CPNE4: variants seen among roughly 807,000 people sequenced by gnomAD.
CPNE4 encodes copine-4.
In CPNE4, 25 loss-of-function variants were observed where a neutral mutation model predicts 67.9. That is an observed-to-expected ratio of 0.37 (90% CI 0.27 to 0.51). CPNE4 has a LOEUF of 0.51. Ranked by LOEUF, CPNE4 falls within the 20% of genes least tolerant of loss-of-function variation. The probability of loss-of-function intolerance (pLI) is 0.93; values close to 1 mark genes in which losing one functional copy is unlikely to be tolerated. For synonymous variants in CPNE4, 242 were observed against 244.9 expected (o/e 0.99, Z 0.11); for missense variants, 464 against 690.8 (o/e 0.67, Z 3.68).
rs1301465905 is a variant in CPNE4 at position 131,808,719 on chromosome 3, CCTAT to C, written c.181-85098_181-85095del. On this transcript the variant is annotated intron_variant, in intron 2 of 15. Transcript: ENST00000429747. ...AGTAAAGAAACATTCTGTGAGAAAA[CCTAT>C]CTAATAAACTCAGTATTGAGGTTCT... is the stretch of plus-strand genomic sequence containing the variant. 3.9e-5 allele frequency among the ~76,000 whole-genome samples: 6 copies of C among 152,174 alleles called. No homozygotes were observed. In the East Asian group the frequency reaches 7.7e-4, roughly 20 times the overall value.
upstream of CPNE4, among the ~76,000 whole-genome samples, chr3:132,035,849 G>T (rs1041107593): frequency 1.3e-5 from 2 of 152,174 alleles, no homozygotes; most frequent in Admixed American, 6.5e-5. Flanking sequence ...TTCTGACATT[G>T]GGATGGTATA....
intron 1 of CPNE4, among the ~76,000 whole-genome samples, chr3:132,022,869 T>C (rs1193430505): frequency 1.3e-5 from 2 of 152,226 alleles, no homozygotes; most frequent in Non-Finnish European, 1.5e-5. Flanking sequence ...GTAACCTTAC[T>C]GCAGCAGCCC....
chr3:131,553,187 T>C (rs1936277632), intron 12 of CPNE4, among the ~76,000 whole-genome samples: 1 of 152,106 alleles, frequency 6.6e-6, no homozygotes, highest in Non-Finnish European at 1.5e-5. Flanking sequence ...ATCTGGACAT[T>C]TTTATTGAAT....
chr3:131,872,273 G>C (rs2087248520), intron 2 of CPNE4, among the ~76,000 whole-genome samples: 1 of 152,090 alleles, frequency 6.6e-6, no homozygotes, highest in Non-Finnish European at 1.5e-5. Flanking sequence ...CATGATTATG[G>C]AGACTGGCAG....
At chr3:131,782,408 C>T (rs1401144044) in intron 2 of CPNE4, among the ~76,000 whole-genome samples, 4 of 152,054 alleles carry the variant, frequency 2.6e-5, no homozygotes, top group African/African-American at 9.7e-5. Context: ...TACCTTTGCA[C>T]ATGTGATGCA....
At chr3:131,798,732 A>C (rs2083990211) in intron 2 of CPNE4, among the ~76,000 whole-genome samples, 1 of 152,142 alleles carries the variant, frequency 6.6e-6, no homozygotes, top group Non-Finnish European at 1.5e-5. Flanking sequence ...GCAAGGAATG[A>C]CTTCTTCTTC....
At chr3:131,587,709 T>C in intron 7 of CPNE4, 127 bp from the exon 8 acceptor site, 1 of 679,220 alleles carries the variant, frequency 1.5e-6, no homozygotes, top group Non-Finnish European at 2.5e-6. Context: ...CCTGGGAGTC[T>C]AAGATTGGAG....
chr3:131,571,785 T>C (rs1313018281), intron 10 of CPNE4, among the ~76,000 whole-genome samples: 1 of 151,916 alleles, frequency 6.6e-6, no homozygotes, highest in African/African-American at 2.4e-5. Flanking sequence ...CTCGTCAATA[T>C]CCTTTGGAAC....
intron 1 of CPNE4, among the ~76,000 whole-genome samples, chr3:131,971,564 C>T (rs548116839): frequency 6.6e-6 from 1 of 152,070 alleles, no homozygotes; most frequent in East Asian, 1.9e-4. Context: ...CCTTTTTGCC[C>T]CAGAGGGTTA....
chr3:131,564,501 G>T, intron 10 of CPNE4, 152 bp from the exon 11 acceptor site: 1 of 738,084 alleles, frequency 1.4e-6, no homozygotes, highest in Non-Finnish European at 2.1e-6. Flanking sequence ...TAATTTGCTT[G>T]AAAAACTAGT....
intron 1 of CPNE4, among the ~76,000 whole-genome samples, chr3:131,907,362 CCTCT>C (rs2088811748): frequency 6.6e-6 from 1 of 151,488 alleles, no homozygotes. Context: ...GGGAATAATT[CCTCT>C]CTCTCTCCTT....
rs2087036652 is a variant in CPNE4 at position 131,868,129 on chromosome 3, G to A, written c.180+37135C>T. Among the ~76,000 whole-genome samples, 3 of 152,144 alleles carry A rather than the reference G, an allele frequency of 2.0e-5. No individual in the cohort carries two copies. In the South Asian group the frequency reaches 6.2e-4, roughly 32 times the overall value. On this transcript the variant is annotated intron_variant, in intron 2 of 15. Coordinates refer to ENST00000429747, the MANE Select transcript of CPNE4 (RefSeq NM_130808.3). Reference sequence around the variant, plus strand: ...CACTTGATAGTCACAATATTCAGATGATGGAGGTAGCAAAGATTTGTTAAT... The same window carrying A: ...CACTTGATAGTCACAATATTCAGATAATGGAGGTAGCAAAGATTTGTTAAT...
At chr3:131,791,300 C>G (rs1215521548) in intron 2 of CPNE4, among the ~76,000 whole-genome samples, 1 of 151,736 alleles carries the variant, frequency 6.6e-6, no homozygotes, top group East Asian at 1.9e-4. Flanking sequence ...CTTTTTTTTG[C>G]ACTTTTTCCA....
chr3:131,631,672 T>C lies in CPNE4; in HGVS notation c.681+38003A>G, dbSNP rs144973379. 6.8e-3 allele frequency among the ~76,000 whole-genome samples: 1,031 copies of C among 152,254 alleles called. 10 individuals carry two copies. The highest frequency in any genetic ancestry group is 0.024 in the African/African-American group (985 of 41,540). ...GTCCCCATCACAAAGTGTATTTTAA[T>C]GAGAGAATTGCCTCTTATAATACTA... On this transcript the variant is annotated intron_variant, in intron 7 of 15. Transcript: ENST00000429747.
At chr3:131,596,902 G>C (rs879819847) in intron 7 of CPNE4, among the ~76,000 whole-genome samples, 1 of 152,062 alleles carries the variant, frequency 6.6e-6, no homozygotes, top group Non-Finnish European at 1.5e-5. Flanking sequence ...CATCCTCATT[G>C]TTCTGTTTCT....
In CPNE4 at chr3:131,973,816, A is replaced by G. The variant is rs374229360; in HGVS notation, c.-2+60751T>C. ...TTGTTTATCTACTTAACTATTACCC[A>G]GGAAGAATAGGAATAACGTCAAAAG... On this transcript the variant is annotated intron_variant, in intron 1 of 15. Transcript: ENST00000429747. 2.6e-5 allele frequency among the ~76,000 whole-genome samples: 4 copies of G among 152,374 alleles called. No individual in the cohort carries two copies. The East Asian group carries it at 5.8e-4, about 22-fold the overall frequency.
At chr3:131,610,130 T>G (rs1186740776) in intron 7 of CPNE4, among the ~76,000 whole-genome samples, 1 of 152,140 alleles carries the variant, frequency 6.6e-6, no homozygotes, top group African/African-American at 2.4e-5. Context: ...TCACAAATAT[T>G]TTTTGAATAC....
chr3:131,781,811 T>C (rs891505790), intron 2 of CPNE4, among the ~76,000 whole-genome samples: 1 of 152,170 alleles, frequency 6.6e-6, no homozygotes, highest in Non-Finnish European at 1.5e-5. Context: ...CTTGAGTAAG[T>C]GGCTTCACAT....
At chr3:131,870,241 T>G (rs6801798) in intron 2 of CPNE4, among the ~76,000 whole-genome samples, 31,808 of 152,120 alleles carry the variant, frequency 0.21, 3,912 homozygotes, top group Non-Finnish European at 0.27. Context: ...AATAATTTGT[T>G]TATCCACTCA....
Sources: gnomAD v4.1 joint callset for allele counts (sites outside exome capture counted in the v4.1 genomes callset) on GRCh38, gnomAD v4.1.1 for gene constraint, MANE v1.5 for transcripts, NCBI Gene and HGNC (gene_info 2026-07-23, HGNC 2026-07-21) for gene names.